STK3: variants seen among roughly 807,000 people sequenced by gnomAD.
STK3 encodes the protein serine/threonine kinase 3, also known as serine/threonine-protein kinase 3.
In STK3, 41 loss-of-function variants were observed where a neutral mutation model predicts 58.0. That is an observed-to-expected ratio of 0.71 (90% CI 0.55 to 0.92). The LOEUF (loss-of-function observed/expected upper bound fraction) is 0.92, where lower values mean the gene tolerates loss of function less well. STK3 is among the 40% of genes least tolerant of loss of function. The probability of loss-of-function intolerance (pLI) is 0.00; values close to 1 mark genes in which losing one functional copy is unlikely to be tolerated. For missense variants in STK3, 479 were observed against 602.7 expected (o/e 0.79, Z 2.15); for synonymous variants, 170 against 191.0 (o/e 0.89, Z 0.91).
chr8:98,592,839 T>C (rs1467377425), intron 7 of STK3, among the ~76,000 whole-genome samples: 1 of 151,908 alleles, frequency 6.6e-6, no homozygotes, highest in Admixed American at 6.6e-5. Flanking sequence ...TCTTGGCTCA[T>C]TGTAATCCCT....
rs1264737087 is a variant in STK3, at chr8:98,555,835, T to C, written c.949-7674A>G. Among the ~76,000 whole-genome samples, 4 of 152,008 alleles carry C rather than the reference T, an allele frequency of 2.6e-5. No homozygotes were observed. In the South Asian group the frequency reaches 6.2e-4, roughly 24 times the overall value. On this transcript the variant is annotated intron_variant, in intron 8 of 10. Coordinates refer to ENST00000419617, the MANE Select transcript of STK3 (RefSeq NM_006281.4). ...ATAGTAAGGGCTCAAAACGGAGCTA[T>C]GGTAATAAGCCAAATCTAACTTGAA...
intron 9 of STK3, among the ~76,000 whole-genome samples, chr8:98,529,285 AG>A (rs372909315): frequency 4.6e-4 from 70 of 151,232 alleles, no homozygotes; most frequent in Admixed American, 1.4e-3. Flanking sequence ...AAAAAACAAA[AG>A]GGGGGGGGAC....
chr8:98,623,223 G>A (rs117277444), intron 6 of STK3, among the ~76,000 whole-genome samples: 1,538 of 151,926 alleles, frequency 0.01, 14 homozygotes, highest in Middle Eastern at 0.024. Context: ...AGGAAGAAAG[G>A]AAGAAAGAGA....
intron 8 of STK3, among the ~76,000 whole-genome samples, chr8:98,570,274 A>T (rs2131679338): frequency 6.6e-6 from 1 of 150,866 alleles, no homozygotes; most frequent in East Asian, 1.9e-4. Flanking sequence ...GACTACAGGC[A>T]TGCATCACCA....
chr8:98,390,664 T>C (rs1817840338), upstream of STK3, among the ~76,000 whole-genome samples: 1 of 152,142 alleles, frequency 6.6e-6, no homozygotes. Flanking sequence ...CCTTTCTGGG[T>C]CTCTGATGAC....
intron 6 of STK3, among the ~76,000 whole-genome samples, chr8:98,654,089 A>C (rs1164010394): frequency 1.3e-5 from 2 of 152,310 alleles, no homozygotes; most frequent in Admixed American, 1.3e-4. Flanking sequence ...CCTCAATAAA[A>C]TACTGACAAA....
At chr8:98,435,080 G>T (rs117154525) in intron 2 of STK3, among the ~76,000 whole-genome samples, 68 of 152,318 alleles carry the variant, frequency 4.5e-4, no homozygotes, top group Non-Finnish European at 9.0e-4. Context: ...TGGTAGAATA[G>T]AGAGCACAGG....
chr8:98,653,716 T>A (rs1821192606), intron 6 of STK3, among the ~76,000 whole-genome samples: 1 of 152,094 alleles, frequency 6.6e-6, no homozygotes, highest in Admixed American at 6.5e-5. Context: ...TCTGTGCAAA[T>A]AAACTAGAAA....
downstream of STK3, among the ~76,000 whole-genome samples, chr8:98,450,961 C>A (rs1819171202): frequency 6.6e-6 from 1 of 152,158 alleles, no homozygotes; most frequent in African/African-American, 2.4e-5. Context: ...GAGTGTAAGG[C>A]CACTACTGGC....
chr8:98,697,415 G>T (rs1276695130), intron 6 of STK3, among the ~76,000 whole-genome samples: 11 of 152,076 alleles, frequency 7.2e-5, no homozygotes, highest in Non-Finnish European at 1.5e-4. Context: ...GAATGTGTTT[G>T]CTCTTGCTTT....
chr8:98,365,603 A>C, the STK3 span, among the ~76,000 whole-genome samples: 4 of 152,216 alleles, frequency 2.6e-5, no homozygotes. Flanking sequence ...TTACAGAATT[A>C]AAATATCTCA....
At chr8:98,805,483 G>A (rs1265983347) in intron 1 of STK3, among the ~76,000 whole-genome samples, 1 of 152,072 alleles carries the variant, frequency 6.6e-6, no homozygotes, top group African/African-American at 2.4e-5. Context: ...GCTAAGGCAG[G>A]AGAATTGCTT....
At chr8:98,854,994 T>C (rs933834927) in intron 3 of STK3, among the ~76,000 whole-genome samples, 2 of 152,100 alleles carry the variant, frequency 1.3e-5, no homozygotes, top group Non-Finnish European at 2.9e-5. Flanking sequence ...TAGGCGGAGA[T>C]TGCAGTGAGC....
At chr8:98,344,307 C>T in the STK3 span, among the ~76,000 whole-genome samples, 1 of 152,228 alleles carries the variant, frequency 6.6e-6, no homozygotes, top group Non-Finnish European at 1.5e-5. Context: ...CAGTCCTCCT[C>T]ACCTGGAATC....
chr8:98,868,565 C>G (rs1024138497), intron 3 of STK3, among the ~76,000 whole-genome samples: 1 of 152,166 alleles, frequency 6.6e-6, no homozygotes, highest in African/African-American at 2.4e-5. Flanking sequence ...AAATCAATCA[C>G]TCCTTTAAAA....
At chr8:98,758,381 A>G (rs1226655332) in intron 3 of STK3, among the ~76,000 whole-genome samples, 2 of 152,250 alleles carry the variant, frequency 1.3e-5, no homozygotes, top group Non-Finnish European at 2.9e-5. Flanking sequence ...TCTGATGGAC[A>G]TAAATGCAAA....
chr8:98,932,848 G>A (rs1840049551), intron 1 of STK3, among the ~76,000 whole-genome samples: 1 of 152,178 alleles, frequency 6.6e-6, no homozygotes, highest in Non-Finnish European at 1.5e-5. Context: ...CTGGAATCAA[G>A]TCACCACTTT....
intron 10 of STK3, among the ~76,000 whole-genome samples, chr8:98,470,397 C>G (rs1050613589): frequency 6.6e-6 from 1 of 152,224 alleles, no homozygotes; most frequent in Non-Finnish European, 1.5e-5. Context: ...CAGATCTCTT[C>G]TAATTACCCC....
At chr8:98,689,046 T>C (rs893844932) in intron 6 of STK3, among the ~76,000 whole-genome samples, 3 of 151,966 alleles carry the variant, frequency 2.0e-5, no homozygotes, top group African/African-American at 7.3e-5. Context: ...AAGATCCAAA[T>C]AGGCACAATC....
Sources: gnomAD v4.1 joint callset for allele counts (sites outside exome capture counted in the v4.1 genomes callset) on GRCh38, gnomAD v4.1.1 for gene constraint, MANE v1.5 for transcripts, NCBI Gene and HGNC (gene_info 2026-07-23, HGNC 2026-07-21) for gene names.